Variants in NUCB2 observed in about 807,000 individuals in gnomAD.
NUCB2 encodes nucleobindin-2.
A neutral mutation model predicts 57.9 loss-of-function variants in NUCB2; 48 were observed. The ratio of observed to expected loss-of-function variants is 0.83; its 90% CI spans 0.66 to 1.05. NUCB2 has a LOEUF of 1.05. NUCB2 is among the 50% of genes least tolerant of loss of function. The probability of loss-of-function intolerance (pLI) is 0.00; values close to 1 mark genes in which losing one functional copy is unlikely to be tolerated. For synonymous variants in NUCB2, 139 were observed against 152.1 expected, an observed-to-expected ratio of 0.91 and a Z score of 0.64; for missense variants, 442 against 476.2, an observed-to-expected ratio of 0.93 and a Z score of 0.67.
intron 2 of NUCB2, among the ~76,000 whole-genome samples, chr11:17,348,681 G>A (rs1213683498): frequency 2.0e-5 from 3 of 151,742 alleles, no homozygotes; most frequent in Admixed American, 1.3e-4. Context: ...TTTAGCCATC[G>A]CTGAATTCGT....
intron 4 of NUCB2, among the ~76,000 whole-genome samples, chr11:17,297,164 C>T (rs1945950651): frequency 6.6e-6 from 1 of 152,108 alleles, no homozygotes; most frequent in Non-Finnish European, 1.5e-5. Flanking sequence ...TTTTAAAATT[C>T]CAATAATGTC....
intron 2 of NUCB2, among the ~76,000 whole-genome samples, chr11:17,348,859 A>G (rs1036598480): frequency 1.3e-5 from 2 of 151,622 alleles, no homozygotes; most frequent in African/African-American, 4.9e-5. Flanking sequence ...GGCTCACTGC[A>G]ACCTCCGCTT....
At chr11:17,314,621 T>C (rs980475151) in intron 10 of NUCB2, among the ~76,000 whole-genome samples, 2 of 152,224 alleles carry the variant, frequency 1.3e-5, no homozygotes, top group African/African-American at 4.8e-5. Flanking sequence ...ATCCAATGAC[T>C]ACGCTCATTT....
chr11:17,306,737 CA>C (rs1171237589), intron 5 of NUCB2, among the ~76,000 whole-genome samples: 2 of 151,950 alleles, frequency 1.3e-5, no homozygotes, highest in Non-Finnish European at 2.9e-5. Context: ...GCCAACATGG[CA>C]AAACCCTGTC....
chr11:17,299,924 T>A (rs1007299498), intron 4 of NUCB2, among the ~76,000 whole-genome samples: 7 of 151,000 alleles, frequency 4.6e-5, no homozygotes, highest in Admixed American at 4.6e-4. Context: ...TAAAATAAAA[T>A]AAAAATAAAT....
At position 17,288,958 on chromosome 11, in the gene NUCB2, TATA is replaced by T. The variant is rs1372772514; in HGVS notation, c.-1+6016_-1+6018del. On this transcript the variant is annotated intron_variant, in intron 2 of 13. Coordinates refer to ENST00000529010, the MANE Select transcript of NUCB2 (RefSeq NM_005013.4). ...ACACACACACACACACACATATATA[TATA>T]TATTTTTTTTTTTTGAGATGGAGTT... 7.2e-3 allele frequency among the ~76,000 whole-genome samples: 580 copies of T among 80,694 alleles called. 81 individuals carry two copies. Among genetic ancestry groups the T allele is most frequent in the South Asian group, 9.3e-3 (23 of 2,476 alleles). 52.9% of individuals were successfully genotyped at this position (80,694 alleles called of 152,430 possible).
chr11:17,323,847 T>C (rs577487780), intron 11 of NUCB2, among the ~76,000 whole-genome samples: 60 of 152,340 alleles, frequency 3.9e-4, no homozygotes, highest in African/African-American at 1.3e-3. Context: ...GATTTTCCAA[T>C]TTATTGGCAT....
intron 5 of NUCB2, among the ~76,000 whole-genome samples, chr11:17,304,266 C>T (rs570061601): frequency 6.6e-6 from 1 of 151,828 alleles, no homozygotes; most frequent in Non-Finnish European, 1.5e-5. Context: ...GCAGTTTCAG[C>T]TCACTGCAAC....
At chr11:17,344,262 T>C (rs1952536347) in intron 2 of NUCB2, among the ~76,000 whole-genome samples, 1 of 152,218 alleles carries the variant, frequency 6.6e-6, no homozygotes, top group African/African-American at 2.4e-5. Flanking sequence ...TCTATAGTAC[T>C]TTATAGATCT....
intron 2 of NUCB2, among the ~76,000 whole-genome samples, chr11:17,337,861 T>C (rs544220531): frequency 6.6e-6 from 1 of 152,202 alleles, no homozygotes; most frequent in East Asian, 1.9e-4. Context: ...TCTCAAACTC[T>C]TGACCCCAGG....
At chr11:17,285,926 C>A (rs1338082098) in intron 2 of NUCB2, among the ~76,000 whole-genome samples, 1 of 138,088 alleles carries the variant, frequency 7.2e-6, no homozygotes, top group African/African-American at 3.2e-5. Flanking sequence ...CATGCGCGCA[C>A]GTGTGCGTAC....
Position 17,330,023 on chromosome 11 carries a change from T to C in NUCB2, c.1003-104T>C. On this transcript the variant is annotated intron_variant, in intron 11 of 13. Coordinates refer to ENST00000529010, the MANE Select transcript of NUCB2 (RefSeq NM_005013.4). The surrounding 1 kb of genome is among the most constrained non-coding windows in gnomAD (Gnocchi z 4.3). ...CTTCTTACCTCCAAAGGCGTAATCC[T>C]ATAGATACTCTTTTATACTTTGCTA... 1.7e-6 allele frequency: 1 copy of C among 591,580 alleles called. No individual in the cohort carries two copies. The highest frequency in any genetic ancestry group is 2.9e-6 in the Non-Finnish European group (1 of 348,154). 36.6% of individuals were successfully genotyped at this position (591,580 alleles called of 1,614,324 possible). A position where few individuals can be genotyped will look rare whatever the true frequency, so the allele number is the denominator to read the frequency against.
intron 10 of NUCB2, 24 bp from the exon 11 acceptor site, chr11:17,315,362 A>G (rs373986969): frequency 6.3e-5 from 81 of 1,294,474 alleles, no homozygotes; most frequent in Non-Finnish European, 8.3e-5. Flanking sequence ...ACTTTATATT[A>G]TGTATACATT....
In NUCB2 at chr11:17,309,584, A is replaced by C. The variant is rs1256871330; in HGVS notation, c.392A>C (p.Asp131Ala). ...KLDSLQDIGM[D>A]HQALLKQFDH... is the part of the protein sequence containing the mutation. ...TATTTTCTTTCAGATATAGGCATGG[A>C]CCACCAAGCTCTTCTAAAACAATTT... The change falls in exon 6 of 14, where the codon GAC becomes GCC. Residue 131 changes from aspartate to alanine, a missense_variant. By Grantham distance (126) the Asp-to-Ala change is moderately radical. Coordinates refer to ENST00000529010, the MANE Select transcript of NUCB2 (RefSeq NM_005013.4). The C allele has an allele frequency of 6.3e-7, 1 of 1,585,062 alleles. No homozygotes were observed.
intron 11 of NUCB2, among the ~76,000 whole-genome samples, chr11:17,322,600 T>A (rs1280658203): frequency 6.6e-6 from 1 of 152,170 alleles, no homozygotes; most frequent in African/African-American, 2.4e-5. Context: ...TTTAGGATTG[T>A]TTTATCTATT....
intron 1 of NUCB2, among the ~76,000 whole-genome samples, chr11:17,279,645 G>A (rs1942117889): frequency 6.6e-6 from 1 of 152,186 alleles, no homozygotes; most frequent in Non-Finnish European, 1.5e-5. Context: ...ACTGCAGAAA[G>A]TGAAATCGCA....
chr11:17,331,466 C>T lies in NUCB2; in HGVS notation c.*47C>T. ...TGGAAGAAAGCTGTTAACTCAACAT[C>T]TATTTCATCTTTTTAGCTCCCTTCC... is the stretch of plus-strand genomic sequence containing the variant. On this transcript the variant is annotated 3_prime_UTR_variant, in exon 14 of 14. Coordinates refer to ENST00000529010, the MANE Select transcript of NUCB2 (RefSeq NM_005013.4). The T allele has an allele frequency of 1.6e-6, 2 of 1,290,090 alleles. No individual in the cohort carries two copies. Among genetic ancestry groups the T allele is most frequent in the Non-Finnish European group, 2.1e-6 (2 of 966,442 alleles). 79.9% of individuals were successfully genotyped at this position (1,290,090 alleles called of 1,614,324 possible).
At chr11:17,342,912 G>A (rs1243272104) in intron 2 of NUCB2, among the ~76,000 whole-genome samples, 1 of 152,172 alleles carries the variant, frequency 6.6e-6, no homozygotes, top group East Asian at 1.9e-4. Context: ...TGACAGTGGG[G>A]TGTTAAATTC....
intron 1 of NUCB2, among the ~76,000 whole-genome samples, chr11:17,282,258 A>ATATAT (rs1388672393): frequency 3.2e-4 from 33 of 103,464 alleles, no homozygotes; most frequent in Admixed American, 7.0e-4. Context: ...ATATATATAT[A>ATATAT]TTTTTTTTTT....
Sources: gnomAD v4.1 joint callset for allele counts (sites outside exome capture counted in the v4.1 genomes callset) on GRCh38, gnomAD v4.1.1 for gene constraint, Gnocchi (gnomAD v3.1) non-coding constraint, MANE v1.5 for transcripts, NCBI Gene and HGNC (gene_info 2026-07-23, HGNC 2026-07-21) for gene names.